The following CCDC171 variants were observed in gnomAD, a reference collection of about 807,000 sequenced individuals.
CCDC171 encodes coiled-coil domain containing 171.
In CCDC171, 177 loss-of-function variants were observed where a neutral mutation model predicts 168.2. That is an observed-to-expected ratio of 1.05 (90% CI 0.93 to 1.19). CCDC171 has a LOEUF of 1.19. Ranked by LOEUF, CCDC171 falls within the 50% of genes most tolerant of loss-of-function variation. The probability of loss-of-function intolerance (pLI) is 0.00; values close to 1 mark genes in which losing one functional copy is unlikely to be tolerated. For synonymous variants in CCDC171, 687 were observed against 540.8 expected, an observed-to-expected ratio of 1.27 and a Z score of -3.75; for missense variants, 1,991 against 1,539.0, an observed-to-expected ratio of 1.29 and a Z score of -4.91.
At chr9:15,794,279 A>G (rs1252109060) in intron 21 of CCDC171, among the ~76,000 whole-genome samples, 1 of 152,164 alleles carries the variant, frequency 6.6e-6, no homozygotes, top group Non-Finnish European at 1.5e-5. Context: ...AGCCTGGCCA[A>G]CATGGTGAAA....
At chr9:15,854,075 T>C (rs541431416) in intron 23 of CCDC171, among the ~76,000 whole-genome samples, 2 of 151,042 alleles carry the variant, frequency 1.3e-5, no homozygotes, top group African/African-American at 4.8e-5. Flanking sequence ...TTTCTTGTGA[T>C]ATCTTTGTCG....
At chr9:15,826,738 C>T (rs1264650060) in intron 21 of CCDC171, among the ~76,000 whole-genome samples, 1 of 152,186 alleles carries the variant, frequency 6.6e-6, no homozygotes, top group Admixed American at 6.5e-5. Flanking sequence ...CATATACCAG[C>T]CTTCAGCTGA....
At chr9:15,998,897 G>C (rs1832449664) in intron 3 of CCDC171, among the ~76,000 whole-genome samples, 1 of 152,168 alleles carries the variant, frequency 6.6e-6, no homozygotes, top group South Asian at 2.1e-4. Context: ...AGATGGGTCT[G>C]TACTGTAGCA....
intron 9 of CCDC171, among the ~76,000 whole-genome samples, chr9:15,675,885 G>T (rs1355403212): frequency 1.3e-5 from 2 of 152,124 alleles, no homozygotes; most frequent in Admixed American, 1.3e-4. Context: ...TCTTTGTGGT[G>T]TTCTCTGTAT....
intron 21 of CCDC171, among the ~76,000 whole-genome samples, chr9:15,810,702 G>T (rs2059311512): frequency 6.6e-6 from 1 of 152,208 alleles, no homozygotes; most frequent in African/African-American, 2.4e-5. Flanking sequence ...TCCGAGTGCG[G>T]GGCCTGCCGA....
intron 24 of CCDC171, among the ~76,000 whole-genome samples, chr9:15,904,530 C>T (rs1476668409): frequency 3.9e-5 from 6 of 151,922 alleles, no homozygotes; most frequent in Admixed American, 6.6e-5. Context: ...AAGCACTAAA[C>T]ATGGAAAGGG....
Position 15,672,322 on chromosome 9 carries a change from T to C in CCDC171, c.1076+5999T>C, listed in dbSNP as rs1313312642. Among the ~76,000 whole-genome samples, 2 of 152,230 alleles carry C rather than the reference T, an allele frequency of 1.3e-5. 1 individual carries two copies. The highest frequency in any genetic ancestry group is 2.9e-5 in the Non-Finnish European group (2 of 68,040). ...AGTTGCCTGTTTACTCTGATGATACTTTCTTTTGCTGTGCAGAAGCTCTTT... is the reference window on the plus strand; with the variant it reads ...AGTTGCCTGTTTACTCTGATGATACCTTCTTTTGCTGTGCAGAAGCTCTTT... On this transcript the variant is annotated intron_variant, in intron 9 of 25. Transcript: ENST00000380701.
chr9:15,705,840 A>G (rs138209690), intron 11 of CCDC171, among the ~76,000 whole-genome samples: 2 of 152,352 alleles, frequency 1.3e-5, no homozygotes, highest in East Asian at 3.8e-4. Context: ...CAGTCACTCA[A>G]AAAGTATTTG....
chr9:15,944,403 G>A lies in CCDC171; in HGVS notation c.3753+23981G>A, dbSNP rs537619962. On this transcript the variant is annotated intron_variant, in intron 25 of 25. Transcript: ENST00000380701. ...TTTTGAGCCAGAGGGTTGCTAAAAT[G>A]CTGTAAAAGGAAAGGATGGGGAGGA... is the stretch of plus-strand genomic sequence containing the variant. Among the ~76,000 whole-genome samples the A allele has an allele frequency of 2.0e-5, 3 of 152,104 alleles. No homozygotes were observed. The South Asian group carries it at 6.2e-4, about 32-fold the overall frequency.
chr9:15,590,777 C>CTTTCTTTCTCTT (rs1563999597), intron 4 of CCDC171, among the ~76,000 whole-genome samples: 1 of 104,288 alleles, frequency 9.6e-6, no homozygotes, highest in East Asian at 2.6e-4. Flanking sequence ...CTTTCTCTTT[C>CTTTCTTTCTCTT]TTTCTTTCTT....
At chr9:15,600,404 C>G (rs915087262) in intron 6 of CCDC171, among the ~76,000 whole-genome samples, 2 of 152,186 alleles carry the variant, frequency 1.3e-5, no homozygotes, top group Non-Finnish European at 2.9e-5. Flanking sequence ...AGGTCCACTC[C>G]AGACCCTGTT....
intron 23 of CCDC171, among the ~76,000 whole-genome samples, chr9:15,870,439 C>T (rs537399183): frequency 6.6e-6 from 1 of 151,872 alleles, no homozygotes; most frequent in South Asian, 2.1e-4. Flanking sequence ...TTTGAAGCAT[C>T]GGAGGCCATA....
intron 6 of CCDC171, among the ~76,000 whole-genome samples, chr9:16,030,295 T>C (rs796694244): frequency 3.3e-5 from 5 of 152,282 alleles, no homozygotes; most frequent in African/African-American, 1.2e-4. Flanking sequence ...ATCAGTCTTT[T>C]TATTTTCCCG....
the CCDC171 span, among the ~76,000 whole-genome samples, chr9:16,098,839 G>A: frequency 5.3e-5 from 8 of 152,176 alleles, no homozygotes; most frequent in African/African-American, 1.9e-4. Context: ...TCTAAATTGG[G>A]AGTGGGGGAG....
intron 16 of CCDC171, among the ~76,000 whole-genome samples, chr9:15,733,925 G>T (rs1564307589): frequency 1.3e-5 from 2 of 152,030 alleles, no homozygotes; most frequent in Admixed American, 6.6e-5. Flanking sequence ...GCACTACCAT[G>T]CCTAACTAAT....
At chr9:15,805,523 G>A (rs927032232) in intron 21 of CCDC171, among the ~76,000 whole-genome samples, 20 of 152,080 alleles carry the variant, frequency 1.3e-4, no homozygotes, top group Non-Finnish European at 1.3e-4. Flanking sequence ...TCAGGAGCAG[G>A]TTGTTCAATT....
At chr9:15,736,716 A>C in intron 16 of CCDC171, among the ~76,000 whole-genome samples, 1 of 149,022 alleles carries the variant, frequency 6.7e-6, no homozygotes. Flanking sequence ...TCACTCTGTC[A>C]CCCAGGTGGA....
intron 25 of CCDC171, among the ~76,000 whole-genome samples, chr9:15,959,204 T>C (rs1046848748): frequency 1.3e-5 from 2 of 152,160 alleles, no homozygotes; most frequent in African/African-American, 4.8e-5. Flanking sequence ...CTAGGGTCAT[T>C]GTAAGGATGA....
At chr9:15,635,018 T>C (rs72706657) in intron 7 of CCDC171, among the ~76,000 whole-genome samples, 10,532 of 152,270 alleles carry the variant, frequency 0.069, 468 homozygotes, top group Non-Finnish European at 0.1. Flanking sequence ...GTGTAATATA[T>C]ATTTTGTGTC....
Sources: gnomAD v4.1 joint callset for allele counts (sites outside exome capture counted in the v4.1 genomes callset) on GRCh38, gnomAD v4.1.1 for gene constraint, MANE v1.5 for transcripts, NCBI Gene and HGNC (gene_info 2026-07-23, HGNC 2026-07-21) for gene names.